The following FBLIM1 variants were observed in gnomAD, a reference collection of about 807,000 sequenced individuals.
The protein encoded by FBLIM1 is filamin binding LIM protein 1, also known as filamin-binding LIM protein 1.
FBLIM1 carries 29 observed loss-of-function variants against 37.4 expected under a neutral mutation model. That is an observed-to-expected ratio of 0.77 (90% confidence interval 0.58 to 1.06). FBLIM1 has a LOEUF of 1.06. Ranked by LOEUF, FBLIM1 falls within the 50% of genes least tolerant of loss-of-function variation. The probability of loss-of-function intolerance (pLI) is 0.00; values close to 1 mark genes in which losing one functional copy is unlikely to be tolerated. For missense variants in FBLIM1, 449 were observed against 505.6 expected, an observed-to-expected ratio of 0.89 and a Z score of 1.07; for synonymous variants, 193 against 199.0, an observed-to-expected ratio of 0.97 and a Z score of 0.25.
chr1:15,760,590 T>G (rs2068627247), intron 1 of FBLIM1, among the ~76,000 whole-genome samples: 1 of 149,048 alleles, frequency 6.7e-6, no homozygotes, highest in Non-Finnish European at 1.5e-5. Context: ...GTTTTTTTGT[T>G]TTTTTTTTTC....
intron 8 of FBLIM1, among the ~76,000 whole-genome samples, chr1:15,780,494 C>A (rs1418826929): frequency 6.6e-6 from 1 of 152,226 alleles, no homozygotes; most frequent in African/African-American, 2.4e-5. Flanking sequence ...CACACCCAGT[C>A]AAAATTCTTA....
At position 15,785,664 on chromosome 1, in the gene FBLIM1, G is replaced by C. The variant is rs1332695980; in HGVS notation, c.*1003G>C. 1.3e-5 allele frequency: 2 copies of C among 152,206 alleles called. No homozygotes were observed. Among genetic ancestry groups the C allele is most frequent in the Non-Finnish European group, 2.9e-5 (2 of 68,040 alleles). The allele number at this position is 152,206 out of a possible 1,614,324, so 9.4% of individuals were successfully genotyped here. On this transcript the variant is annotated 3_prime_UTR_variant, in exon 9 of 9. Transcript: ENST00000375766. Reference sequence around the variant, plus strand: ...AAAAAAAGTGCTTTTTGAAAATGTTGAGGTTGAAATGATGGGAACCAACAT... The same window carrying C: ...AAAAAAAGTGCTTTTTGAAAATGTTCAGGTTGAAATGATGGGAACCAACAT...
rs571722745 is a variant in FBLIM1 at position 15,765,648 on chromosome 1, C to A, written c.250+415C>A. 3.9e-5 allele frequency among the ~76,000 whole-genome samples: 6 copies of A among 152,080 alleles called. No individual in the cohort carries two copies. The highest frequency in any genetic ancestry group is 8.8e-5 in the Non-Finnish European group (6 of 68,018). ...TGACCAGCTTGGTCATGCGCCTGGT[C>A]TGACTGCAGGACACAAAGGCTGGCC... On this transcript the variant is annotated intron_variant, in intron 3 of 8. Transcript: ENST00000375766. The surrounding 1 kb of genome is among the most constrained non-coding windows in gnomAD (Gnocchi z 5.9).
Position 15,785,338 on chromosome 1 carries a change from A to ATAAAT in FBLIM1, c.*677_*678insTAAAT, listed in dbSNP as rs1553168812. 6 of 149,694 alleles carry ATAAAT rather than the reference A, an allele frequency of 4.0e-5. No individual in the cohort carries two copies. Among genetic ancestry groups the ATAAAT allele is most frequent in the African/African-American group, 9.8e-5 (4 of 40,702 alleles). The allele number at this position is 149,694 out of a possible 1,614,324, so 9.3% of individuals were successfully genotyped here. On this transcript the variant is annotated 3_prime_UTR_variant, in exon 9 of 9. Transcript: ENST00000375766. The stretch of plus-strand genomic sequence containing the variant: ...AGAGGGAAACTCCGTCTCAAAAAAA[A>ATAAAT]AAAAGTGCCTTTTAGGCCGGATGTG...
intron 1 of FBLIM1, among the ~76,000 whole-genome samples, chr1:15,759,278 G>A (rs2148430428): frequency 6.6e-6 from 1 of 152,342 alleles, no homozygotes; most frequent in South Asian, 2.1e-4. Context: ...GGAGCCCGGG[G>A]GCGCTCCAGG....
At chr1:15,767,604 C>T (rs2068990786) in intron 4 of FBLIM1, 41 bp downstream of exon 4, 1 of 744,042 alleles carries the variant, frequency 1.3e-6, no homozygotes, top group East Asian at 3.3e-5. Context: ...CCTTGGTCCC[C>T]TTGGTTGGGG....
At position 15,774,736 on chromosome 1, in the gene FBLIM1, G is replaced by C; in HGVS notation, c.830G>C (p.Gly277Ala). Residue 277 changes from glycine (G) to alanine (A), a missense_variant, in exon 7 of 9, where the codon GGG becomes GCG. Transcript: ENST00000375766. The stretch of plus-strand genomic sequence containing the variant: ...TGTGTGACCTGCGCCCGGTGCATTG[G>C]GGATGAGAGCTTTGCCCTGGGCAGC... ...FTCVTCARCI[G>A]DESFALGSQN... is the part of the protein sequence containing the mutation. 1 of 1,614,140 alleles carries C rather than the reference G, an allele frequency of 6.2e-7. No homozygotes were observed. Among genetic ancestry groups the C allele is most frequent in the Non-Finnish European group, 8.5e-7 (1 of 1,179,992 alleles).
chr1:15,768,748 C>A (rs2148542746), intron 5 of FBLIM1, 118 bp downstream of exon 5: 1 of 577,982 alleles, frequency 1.7e-6, no homozygotes, highest in East Asian at 3.4e-5. Context: ...CTCATGTTAA[C>A]AATGATGGGC....
At chr1:15,771,559 A>G (rs1408443021) in intron 6 of FBLIM1, among the ~76,000 whole-genome samples, 1 of 151,976 alleles carries the variant, frequency 6.6e-6, no homozygotes, top group Non-Finnish European at 1.5e-5. Flanking sequence ...TTTGCAGTTT[A>G]TGAAGCTGCA....
At chr1:15,757,948 G>C (rs1236673804), upstream of FBLIM1, 2 of 152,280 alleles carry the variant, frequency 1.3e-5, no homozygotes, top group African/African-American at 4.8e-5. This position sits in a 1 kb window ranked among gnomAD's most constrained non-coding sequence, Gnocchi z 4.1. Context: ...CACAGGGCCA[G>C]CCGGGCCCTG....
At chr1:15,762,225 G>T (rs1234147666) in intron 1 of FBLIM1, among the ~76,000 whole-genome samples, 1 of 150,218 alleles carries the variant, frequency 6.7e-6, no homozygotes, top group East Asian at 1.9e-4. Flanking sequence ...AGTAGCTGGG[G>T]ACTACAGGTG....
Position 15,767,413 on chromosome 1 carries a change from C to A in FBLIM1, c.288C>A (p.Asp96Glu). ...CTCCTCCTGTCCTGGATGGTGAGGA[C>A]GTGCTTCCTGACCTGGACCTCCTCC... is the stretch of plus-strand genomic sequence containing the variant. ...PPPPPVLDGE[D>E]VLPDLDLLPP... Residue 96 changes from aspartate to glutamate, a missense_variant, in exon 4 of 9, where the codon GAC becomes GAA. By Grantham distance (45) the Asp-to-Glu change is conservative. Transcript: ENST00000375766. The A allele has an allele frequency of 1.3e-6, 2 of 1,578,020 alleles. No homozygotes were observed. The highest frequency in any genetic ancestry group is 1.7e-6 in the Non-Finnish European group (2 of 1,159,970).
intron 6 of FBLIM1, among the ~76,000 whole-genome samples, chr1:15,771,013 C>T (rs904362008): frequency 1.3e-5 from 2 of 152,066 alleles, no homozygotes; most frequent in African/African-American, 2.4e-5. Context: ...GATGTCAGCT[C>T]ACTGCAACCT....
In FBLIM1 at chr1:15,770,455, T is replaced by C; in HGVS notation, c.588T>C (p.Ala196=). 6.2e-7 allele frequency: 1 copy of C among 1,612,574 alleles called. No homozygotes were observed. Among genetic ancestry groups the C allele is most frequent in the Non-Finnish European group, 8.5e-7 (1 of 1,179,480 alleles). ...AGACCGTGTCCCCCCGAGAGCTGGC[T>C]GTGGAGGCCATGAAGAGGCAGTACC... is the stretch of plus-strand genomic sequence containing the variant. ...CHKTVSPREL[A]VEAMKRQYHA... The change falls in exon 6 of 9, where the codon GCT becomes GCC. Residue 196 remains alanine, a synonymous_variant. Coordinates refer to ENST00000375766, the MANE Select transcript of FBLIM1 (RefSeq NM_017556.4).
At chr1:15,772,375 G>C (rs998857391) in intron 6 of FBLIM1, among the ~76,000 whole-genome samples, 1 of 152,140 alleles carries the variant, frequency 6.6e-6, no homozygotes, top group Non-Finnish European at 1.5e-5. Flanking sequence ...GACACCAGGG[G>C]AGGAGGGGTG....
chr1:15,762,814 G>C (rs539121562), intron 1 of FBLIM1, among the ~76,000 whole-genome samples: 1 of 152,212 alleles, frequency 6.6e-6, no homozygotes, highest in South Asian at 2.1e-4. Flanking sequence ...CATCGCTTTC[G>C]TCCACCCTTG....
intron 3 of FBLIM1, among the ~76,000 whole-genome samples, chr1:15,766,889 G>A (rs564851266): frequency 1.6e-4 from 19 of 118,592 alleles, no homozygotes; most frequent in African/African-American, 4.6e-4. Context: ...CACTGCACCC[G>A]GCTTTTTTTT....
intron 1 of FBLIM1, among the ~76,000 whole-genome samples, chr1:15,762,577 A>T (rs528391875): frequency 1.1e-4 from 16 of 152,248 alleles, no homozygotes; most frequent in Non-Finnish European, 1.8e-4. Context: ...TTGTATTTTT[A>T]GTAGAGACAG....
rs1466662257 is a variant in FBLIM1, at chr1:15,784,135, C to T, written c.1009-413C>T. On this transcript the variant is annotated intron_variant, in intron 8 of 8. Coordinates refer to ENST00000375766, the MANE Select transcript of FBLIM1 (RefSeq NM_017556.4). ...AGCAGAGGTTGCAGTGAGCCAAGATCGTGCCACTGCACTCCAGCCTGGGCG... is the reference window on the plus strand; with the variant it reads ...AGCAGAGGTTGCAGTGAGCCAAGATTGTGCCACTGCACTCCAGCCTGGGCG... Among the ~76,000 whole-genome samples the T allele has an allele frequency of 2.6e-5, 4 of 152,166 alleles. No individual in the cohort carries two copies. The South Asian group carries it at 6.2e-4, about 24-fold the overall frequency.
Sources: gnomAD v4.1 joint callset for allele counts (sites outside exome capture counted in the v4.1 genomes callset) on GRCh38, gnomAD v4.1.1 for gene constraint, Gnocchi (gnomAD v3.1) non-coding constraint, MANE v1.5 for transcripts, NCBI Gene and HGNC (gene_info 2026-07-23, HGNC 2026-07-21) for gene names.